AP2B1: variants seen among roughly 807,000 people sequenced by gnomAD.
The protein encoded by AP2B1 is adaptor related protein complex 2 subunit beta 1.
Under a neutral mutation model 102.0 loss-of-function variants are expected in AP2B1, and 23 were observed. The observed-to-expected ratio is 0.23, with a 90% CI of 0.16 to 0.32. AP2B1 has a LOEUF of 0.32. Among genes scored for constraint, AP2B1 ranks in the 10% least tolerant of loss-of-function variants. The pLI is 1.00. For synonymous variants in AP2B1, 381 were observed against 421.2 expected, an observed-to-expected ratio of 0.90 and a Z score of 1.17; for missense variants, 541 against 1,157.4, an observed-to-expected ratio of 0.47 and a Z score of 7.73.
At chr17:35,631,563 C>CT (rs937057403) in intron 9 of AP2B1, among the ~76,000 whole-genome samples, 404 of 148,956 alleles carry the variant, frequency 2.7e-3, no homozygotes, top group African/African-American at 9.1e-3. Flanking sequence ...TTATCCTCTA[C>CT]TTTTTTTTTT....
At position 35,650,671 on chromosome 17, in the gene AP2B1, C is replaced by T; in HGVS notation, c.1678C>T (p.Leu560=). Residue 560 remains leucine (L), a synonymous_variant, in exon 13 of 22, where the codon CTG becomes TTG. Transcript: ENST00000610402. The part of the protein sequence containing the change: ...EETDLIEPTL[L]DELICHIGSL... The stretch of plus-strand genomic sequence containing the variant: ...GACGGACCTTATTGAGCCAACTCTG[C>T]TGGATGAGCTAATCTGCCACATTGG... 1 of 1,614,178 alleles carries T rather than the reference C, an allele frequency of 6.2e-7. No homozygotes were observed. Among genetic ancestry groups the T allele is most frequent in the Non-Finnish European group, 8.5e-7 (1 of 1,180,034 alleles).
At chr17:35,623,010 C>G (rs749644965) in intron 5 of AP2B1, among the ~76,000 whole-genome samples, 15 of 151,946 alleles carry the variant, frequency 9.9e-5, no homozygotes, top group Non-Finnish European at 1.8e-4. Flanking sequence ...CTTTGCTAAT[C>G]TTTCATCAGC....
At chr17:35,675,488 G>C (rs1214459307) in intron 17 of AP2B1, among the ~76,000 whole-genome samples, 4 of 152,174 alleles carry the variant, frequency 2.6e-5, no homozygotes, top group Admixed American at 2.6e-4. Context: ...AATGTTTCCA[G>C]CCATTTTTGA....
At chr17:35,654,422 G>T (rs992766693) in intron 13 of AP2B1, among the ~76,000 whole-genome samples, 3 of 152,004 alleles carry the variant, frequency 2.0e-5, no homozygotes, top group African/African-American at 7.3e-5. Flanking sequence ...AAGATAGAAT[G>T]GTATAACAAA....
chr17:35,680,705 T>G (rs1223073657), intron 17 of AP2B1, among the ~76,000 whole-genome samples: 1 of 147,966 alleles, frequency 6.8e-6, no homozygotes, highest in African/African-American at 2.5e-5. Context: ...TTTTTGTTTT[T>G]TTTTTTTTTT....
intron 20 of AP2B1, among the ~76,000 whole-genome samples, chr17:35,712,281 G>A (rs892229264): frequency 1.3e-5 from 2 of 152,094 alleles, no homozygotes; most frequent in Non-Finnish European, 2.9e-5. Context: ...GTGGGAGTTG[G>A]TTCAATGGCA....
At chr17:35,605,399 C>T (rs2073640921) in intron 3 of AP2B1, among the ~76,000 whole-genome samples, 2 of 152,074 alleles carry the variant, frequency 1.3e-5, no homozygotes, top group Non-Finnish European at 2.9e-5. Context: ...CAGACATGCA[C>T]CACCATGCCT....
chr17:35,641,115 C>T (rs1323081929), intron 11 of AP2B1, among the ~76,000 whole-genome samples: 2 of 152,204 alleles, frequency 1.3e-5, no homozygotes, highest in Non-Finnish European at 2.9e-5. Context: ...TAGCAGCCAA[C>T]TCCTAATAGG....
At chr17:35,669,375 C>T (rs1441519566) in intron 14 of AP2B1, among the ~76,000 whole-genome samples, 2 of 152,142 alleles carry the variant, frequency 1.3e-5, no homozygotes, top group Non-Finnish European at 2.9e-5. Context: ...AACTCCTGAC[C>T]TCATGATCCG....
At chr17:35,718,980 C>T (rs1439108782) in intron 21 of AP2B1, among the ~76,000 whole-genome samples, 2 of 152,072 alleles carry the variant, frequency 1.3e-5, no homozygotes, top group Non-Finnish European at 2.9e-5. Flanking sequence ...ACTCTTCTTA[C>T]ACAATATTCT....
At chr17:35,655,228 ATTTAGTGCTCAATGAAT>A (rs1567913185) in intron 13 of AP2B1, among the ~76,000 whole-genome samples, 1 of 152,188 alleles carries the variant, frequency 6.6e-6, no homozygotes, top group Non-Finnish European at 1.5e-5. Context: ...TAATCTTAGC[ATTTAGTGCTCAATGAAT>A]TTTTACATAT....
intron 18 of AP2B1, among the ~76,000 whole-genome samples, chr17:35,694,679 C>T (rs1479782071): frequency 6.6e-6 from 1 of 152,028 alleles, no homozygotes; most frequent in Non-Finnish European, 1.5e-5. Flanking sequence ...AGTTCGAGAC[C>T]AGCCTGGCCA....
chr17:35,657,541 A>G, intron 13 of AP2B1, 58 bp from the exon 14 acceptor site: 2 of 1,433,460 alleles, frequency 1.4e-6, no homozygotes, highest in South Asian at 2.6e-5. Flanking sequence ...TTGCGATGTT[A>G]TGTCCTAGGT....
At chr17:35,616,048 G>A (rs1180668558) in intron 5 of AP2B1, among the ~76,000 whole-genome samples, 1 of 146,988 alleles carries the variant, frequency 6.8e-6, no homozygotes, top group Admixed American at 6.8e-5. Flanking sequence ...CTTTTATAAT[G>A]TGCTTTGTGG....
At chr17:35,647,393 CT>C (rs2074964293) in intron 12 of AP2B1, among the ~76,000 whole-genome samples, 1 of 152,056 alleles carries the variant, frequency 6.6e-6, no homozygotes, top group Non-Finnish European at 1.5e-5. Flanking sequence ...AGTGCCCCCC[CT>C]CCCCACACAC....
Position 35,636,277 on chromosome 17 carries a change from T to C in AP2B1, c.1156-64T>C, listed in dbSNP as rs1265381562. Reference sequence around the variant, plus strand: ...ATGCACCTGCATGTTTCAAAATTTTTATGTTGAGGTGGTGTTATCGCATAG... The same window carrying C: ...ATGCACCTGCATGTTTCAAAATTTTCATGTTGAGGTGGTGTTATCGCATAG... On this transcript the variant is annotated intron_variant, in intron 9 of 21. Coordinates refer to ENST00000610402, the MANE Select transcript of AP2B1 (RefSeq NM_001030006.2). The C allele has an allele frequency of 1.3e-5, 15 of 1,168,184 alleles. No homozygotes were observed. In the Admixed American group the frequency reaches 3.1e-4, roughly 24 times the overall value. The allele number at this position is 1,168,184 out of a possible 1,614,324, so 72.4% of individuals were successfully genotyped here.
intron 9 of AP2B1, 45 bp from the exon 10 acceptor site, chr17:35,636,296 C>T (rs752724118): frequency 8.6e-6 from 12 of 1,390,388 alleles, no homozygotes; most frequent in African/African-American, 4.2e-5. Flanking sequence ...GTGGTGTTAT[C>T]GCATAGATCA....
intron 18 of AP2B1, among the ~76,000 whole-genome samples, chr17:35,706,808 T>TA (rs2076349021): frequency 6.6e-6 from 1 of 151,844 alleles, no homozygotes; most frequent in African/African-American, 2.4e-5. Flanking sequence ...ACCCAACTAA[T>TA]ATATATATAT....
At chr17:35,657,214 T>C (rs2075251290) in intron 13 of AP2B1, among the ~76,000 whole-genome samples, 1 of 152,242 alleles carries the variant, frequency 6.6e-6, no homozygotes, top group Non-Finnish European at 1.5e-5. Flanking sequence ...TTGCTTTTTA[T>C]TCATTTTGTA....
Sources: gnomAD v4.1 joint callset for allele counts (sites outside exome capture counted in the v4.1 genomes callset) on GRCh38, gnomAD v4.1.1 for gene constraint, MANE v1.5 for transcripts, NCBI Gene and HGNC (gene_info 2026-07-23, HGNC 2026-07-21) for gene names.